The following PRSS12 variants were observed in gnomAD, a reference collection of about 807,000 sequenced individuals.
PRSS12 encodes serine protease 12.
In PRSS12, 85 loss-of-function variants were observed where a neutral mutation model predicts 104.4. The observed-to-expected ratio is 0.81, with a 90% CI of 0.68 to 0.98. The LOEUF (loss-of-function observed/expected upper bound fraction) is 0.98, where lower values mean the gene tolerates loss of function less well. Ranked by LOEUF, PRSS12 falls within the 50% of genes least tolerant of loss-of-function variation. The probability of loss-of-function intolerance (pLI) is 0.00; values close to 1 mark genes in which losing one functional copy is unlikely to be tolerated. For missense variants in PRSS12, 1,141 were observed against 1,139.2 expected (o/e 1.00, Z -0.02); for synonymous variants, 454 against 425.2 (o/e 1.07, Z -0.83).
rs1410002972 is a variant in PRSS12, at chr4:118,282,199, G to A, written c.2365C>T (p.Leu789Phe). The change falls in exon 13 of 13, where the codon CTT becomes TTT. Residue 789 changes from leucine to phenylalanine, a missense_variant. Transcript: ENST00000296498. ...RTLQQAAIPL[L>F]PKRFCEERYK... ...CGTTCTTCACAAAACCTTTTAGGAAGTAAGGGAATGGCTGCTTGTTGTAGT... is the reference window on the plus strand; with the variant it reads ...CGTTCTTCACAAAACCTTTTAGGAAATAAGGGAATGGCTGCTTGTTGTAGT... The A allele has an allele frequency of 1.2e-6, 2 of 1,614,074 alleles. No homozygotes were observed. The highest frequency in any genetic ancestry group is 2.7e-5 in the African/African-American group (2 of 74,910).
At chr4:118,343,822 CTTAAT>C (rs1195632192) in intron 1 of PRSS12, among the ~76,000 whole-genome samples, 1 of 152,090 alleles carries the variant, frequency 6.6e-6, no homozygotes, top group Non-Finnish European at 1.5e-5. Flanking sequence ...AATAGCATTC[CTTAAT>C]TTAAAGAGAA....
intron 3 of PRSS12, among the ~76,000 whole-genome samples, chr4:118,334,452 A>G (rs761591197): frequency 6.6e-6 from 1 of 152,206 alleles, no homozygotes; most frequent in African/African-American, 2.4e-5. Context: ...ATCATCCTTG[A>G]AGCAGCATTG....
chr4:118,329,770 T>C (rs1723870836), intron 4 of PRSS12, among the ~76,000 whole-genome samples: 1 of 152,156 alleles, frequency 6.6e-6, no homozygotes. Flanking sequence ...AAGAAATACG[T>C]TATAGATGAG....
chr4:118,306,464 G>A (rs1411563342), intron 8 of PRSS12, among the ~76,000 whole-genome samples: 1 of 152,170 alleles, frequency 6.6e-6, no homozygotes, highest in African/African-American at 2.4e-5. Flanking sequence ...GATGCCCAGG[G>A]AGTTTTCAAT....
rs116063089 is a variant in PRSS12, at chr4:118,283,229, T to A, written c.2040-118A>T. 9.3e-3 allele frequency: 12,011 copies of A among 1,287,990 alleles called. 104 individuals carry two copies. The highest frequency in any genetic ancestry group is 0.012 in the Non-Finnish European group (10,440 of 899,484). The allele number at this position is 1,287,990 out of a possible 1,614,324, so 79.8% of individuals were successfully genotyped here. ...CAAATCATCAGCCCCTTTTGTAAAT[T>A]CAACCTTTCTTTCCATTTATCTGAC... On this transcript the variant is annotated intron_variant, in intron 11 of 12. Coordinates refer to ENST00000296498, the MANE Select transcript of PRSS12 (RefSeq NM_003619.4).
intron 7 of PRSS12, among the ~76,000 whole-genome samples, chr4:118,311,761 A>C (rs1553955807): frequency 6.6e-6 from 1 of 152,196 alleles, no homozygotes; most frequent in Non-Finnish European, 1.5e-5. Context: ...GAGTCCTAGA[A>C]TTAAAAAGAT....
In PRSS12 at chr4:118,331,698, A is replaced by T; in HGVS notation, c.971+18T>A. 1 of 1,614,100 alleles carries T rather than the reference A, an allele frequency of 6.2e-7. No homozygotes were observed. On this transcript the variant is annotated intron_variant, in intron 4 of 12. Coordinates refer to ENST00000296498, the MANE Select transcript of PRSS12 (RefSeq NM_003619.4). ...AAGATTCAAAAGTTTAAGCAAAACA[A>T]GAGTAGTAAAAACAAACCTGAGGCC...
In PRSS12 at chr4:118,295,016, A is replaced by G. The variant is rs1743222200; in HGVS notation, c.1962T>C (p.His654=). ...WQVSLRLKSS[H]GDGRLLCGAT... ...CCCCGCAGAGGAGCCTGCCATCTCCATGGGATGACTTCAGCCGGAGGGAAA... is the reference window on the plus strand; with the variant it reads ...CCCCGCAGAGGAGCCTGCCATCTCCGTGGGATGACTTCAGCCGGAGGGAAA... The change falls in exon 11 of 13, where the codon CAT becomes CAC. Residue 654 remains histidine, a synonymous_variant. Transcript: ENST00000296498. The G allele has an allele frequency of 1.2e-6, 2 of 1,614,008 alleles. No individual in the cohort carries two copies. The highest frequency in any genetic ancestry group is 2.2e-5 in the South Asian group (2 of 91,088).
rs1232819218 is a variant in PRSS12, at chr4:118,281,080, TAA to T, written c.*854_*855del. 6.6e-6 allele frequency: 1 copy of T among 152,258 alleles called. No individual in the cohort carries two copies. The highest frequency in any genetic ancestry group is 2.4e-5 in the African/African-American group (1 of 41,468). 9.4% of individuals were successfully genotyped at this position (152,258 alleles called of 1,614,324 possible). Reference sequence around the variant, plus strand: ...TTGGGCTTGGGAAAACCTGCAGGTATAAGTCAGTTACAGGGAAGTGTCAGTGG... The same window carrying T: ...TTGGGCTTGGGAAAACCTGCAGGTATGTCAGTTACAGGGAAGTGTCAGTGG... On this transcript the variant is annotated 3_prime_UTR_variant, in exon 13 of 13. Coordinates refer to ENST00000296498, the MANE Select transcript of PRSS12 (RefSeq NM_003619.4).
chr4:118,306,512 A>G (rs1030376130), intron 8 of PRSS12, among the ~76,000 whole-genome samples: 7 of 152,178 alleles, frequency 4.6e-5, no homozygotes, highest in Admixed American at 4.6e-4. Flanking sequence ...CAAGTCACAC[A>G]GCAACAGTAG....
chr4:118,343,928 C>CAG (rs1491542683), intron 1 of PRSS12, among the ~76,000 whole-genome samples: 1 of 151,972 alleles, frequency 6.6e-6, no homozygotes, highest in Non-Finnish European at 1.5e-5. Flanking sequence ...TTTAAAAAAT[C>CAG]ACAGTTTGAT....
Position 118,298,642 on chromosome 4 carries a change from T to C in PRSS12, c.1837+91A>G, listed in dbSNP as rs1351065591. 2.4e-6 allele frequency: 3 copies of C among 1,255,092 alleles called. No homozygotes were observed. In the East Asian group the frequency reaches 7.0e-5, roughly 29 times the overall value. 77.7% of individuals were successfully genotyped at this position (1,255,092 alleles called of 1,614,324 possible). A position where few individuals can be genotyped will look rare whatever the true frequency, so the allele number is the denominator to read the frequency against. On this transcript the variant is annotated intron_variant, in intron 9 of 12. Transcript: ENST00000296498. ...CATGGATCTGTATACGTTCTTGTTG[T>C]ACTAGATTTCTGTTATCAAAGTACT...
intron 2 of PRSS12, 106 bp from the exon 3 acceptor site, chr4:118,335,757 GGAAGAAAC>G: frequency 9.7e-7 from 1 of 1,029,544 alleles, no homozygotes; most frequent in South Asian, 1.4e-5. Context: ...AGATGAATAT[GGAAGAAAC>G]AAAGAAAGAA....
chr4:118,351,802 G>A (rs1424489162), intron 1 of PRSS12, among the ~76,000 whole-genome samples: 1 of 152,136 alleles, frequency 6.6e-6, no homozygotes, highest in East Asian at 1.9e-4. Flanking sequence ...CCACGTTAAT[G>A]TAACATTTCC....
At chr4:118,330,435 G>A (rs1278139184) in intron 4 of PRSS12, among the ~76,000 whole-genome samples, 1 of 151,962 alleles carries the variant, frequency 6.6e-6, no homozygotes, top group Non-Finnish European at 1.5e-5. Context: ...AAATTCAGAA[G>A]ATGGGACAGT....
intron 1 of PRSS12, among the ~76,000 whole-genome samples, chr4:118,342,454 T>C (rs1249555592): frequency 6.6e-6 from 1 of 152,218 alleles, no homozygotes; most frequent in African/African-American, 2.4e-5. Context: ...TGATCCAGCG[T>C]TGCACTGTCT....
At chr4:118,325,482 T>C (rs1399421988) in intron 4 of PRSS12, among the ~76,000 whole-genome samples, 1 of 152,044 alleles carries the variant, frequency 6.6e-6, no homozygotes. Flanking sequence ...ACCAGGAAAC[T>C]ATAATGTAAC....
Position 118,352,816 on chromosome 4 carries a change from G to A in PRSS12, c.-96C>T, listed in dbSNP as rs1724560805. ...CGGGGGCGGGGCTGCCGCGTCCCTC[G>A]AATCCCCCAGCCCCCTCCCGCCCCC... On this transcript the variant is annotated 5_prime_UTR_variant, in exon 1 of 13. Transcript: ENST00000296498. 3 of 1,543,002 alleles carry A rather than the reference G, an allele frequency of 1.9e-6. No individual in the cohort carries two copies. The highest frequency in any genetic ancestry group is 2.4e-5 in the South Asian group (2 of 83,464).
At chr4:118,302,838 T>G (rs1743435201) in intron 8 of PRSS12, among the ~76,000 whole-genome samples, 1 of 152,318 alleles carries the variant, frequency 6.6e-6, no homozygotes, top group South Asian at 2.1e-4. Flanking sequence ...TAGGCAAAAT[T>G]GCATAAGATT....
Sources: gnomAD v4.1 joint callset for allele counts (sites outside exome capture counted in the v4.1 genomes callset) on GRCh38, gnomAD v4.1.1 for gene constraint, MANE v1.5 for transcripts, NCBI Gene and HGNC (gene_info 2026-07-23, HGNC 2026-07-21) for gene names.